Variants in C8orf89 observed in about 807,000 individuals in gnomAD.
C8orf89 encodes the protein chromosome 8 open reading frame 89, also known as putative uncharacterized protein C8orf89.
C8orf89 carries 14 observed loss-of-function variants against 15.8 expected under a neutral mutation model. That is an observed-to-expected ratio of 0.89 (90% CI 0.59 to 1.39). C8orf89 has a LOEUF of 1.39. Ranked by LOEUF, C8orf89 falls within the 40% of genes most tolerant of loss-of-function variation. The pLI, the probability that C8orf89 is intolerant of heterozygous loss-of-function variation, is 0.00. For missense variants in C8orf89, 181 were observed against 184.5 expected, an observed-to-expected ratio of 0.98 and a Z score of 0.11; for synonymous variants, 55 against 62.2, an observed-to-expected ratio of 0.88 and a Z score of 0.54.
At chr8:73,247,813 T>A (rs1813159901) in intron 3 of C8orf89, among the ~76,000 whole-genome samples, 1 of 152,210 alleles carries the variant, frequency 6.6e-6, no homozygotes, top group Non-Finnish European at 1.5e-5. Context: ...GTAAATTGTT[T>A]AAATTCCTTA....
chr8:73,255,690 CAA>C (rs1813360177), intron 2 of C8orf89, among the ~76,000 whole-genome samples: 1 of 149,882 alleles, frequency 6.7e-6, no homozygotes. Context: ...TTCACAATAG[CAA>C]AGACTTGGAA....
At chr8:73,252,649 A>T (rs1813274036) in intron 2 of C8orf89, among the ~76,000 whole-genome samples, 1 of 152,188 alleles carries the variant, frequency 6.6e-6, no homozygotes, top group Non-Finnish European at 1.5e-5. Flanking sequence ...AGAGTACTTA[A>T]AAAGAACAAT....
chr8:73,258,924 C>T (rs1324958938), intron 1 of C8orf89, among the ~76,000 whole-genome samples: 2 of 152,074 alleles, frequency 1.3e-5, no homozygotes, highest in African/African-American at 4.8e-5. Context: ...GCCACTGTGC[C>T]TGGCTTTGGT....
Position 73,241,350 on chromosome 8 carries a change from A to T in C8orf89, c.*107T>A. 1 of 812,976 alleles carries T rather than the reference A, an allele frequency of 1.2e-6. No homozygotes were observed. Among genetic ancestry groups the T allele is most frequent in the Non-Finnish European group, 1.7e-6 (1 of 593,760 alleles). The allele number at this position is 812,976 out of a possible 1,614,324, so 50.4% of individuals were successfully genotyped here. A position where few individuals can be genotyped will look rare whatever the true frequency, so the allele number is the denominator to read the frequency against. On this transcript the variant is annotated 3_prime_UTR_variant, in exon 4 of 4. Coordinates refer to ENST00000624510, the MANE Select transcript of C8orf89 (RefSeq NM_001243237.3). ...CATCTATAATGTAAAATATTTATTT[A>T]TTTACATTTCCATTTTTATATAAAT...
At chr8:73,277,403 C>T in the C8orf89 span, 270 of 1,181,354 alleles carry the variant, frequency 2.3e-4, 1 homozygote, top group African/African-American at 3.8e-3. Flanking sequence ...ATCATCTTAG[C>T]AGCCTCCAGA....
At chr8:73,260,138 C>G (rs1190614952), upstream of C8orf89, among the ~76,000 whole-genome samples, 1 of 152,164 alleles carries the variant, frequency 6.6e-6, no homozygotes, top group Non-Finnish European at 1.5e-5. Context: ...TACTGAGTGT[C>G]AATTTTATGC....
intron 1 of C8orf89, among the ~76,000 whole-genome samples, chr8:73,257,790 A>G (rs1359358233): frequency 6.6e-6 from 1 of 152,258 alleles, no homozygotes; most frequent in Non-Finnish European, 1.5e-5. Flanking sequence ...AACTAAACAT[A>G]GAGAATTTTT....
chr8:73,285,051 A>G, the C8orf89 span, among the ~76,000 whole-genome samples: 3 of 152,340 alleles, frequency 2.0e-5, no homozygotes, highest in South Asian at 4.1e-4. Context: ...CACACAAATT[A>G]TAGGTAAATC....
chr8:73,242,095 A>G (rs1212762039), intron 3 of C8orf89, among the ~76,000 whole-genome samples: 1 of 152,200 alleles, frequency 6.6e-6, no homozygotes, highest in Non-Finnish European at 1.5e-5. Context: ...AGATTTCCTG[A>G]GTAATACCCC....
rs953665440 is a variant in C8orf89, at chr8:73,256,967, A to T, written c.281+6T>A. The T allele has an allele frequency of 1.3e-6, 2 of 1,530,396 alleles. No homozygotes were observed. The highest frequency in any genetic ancestry group is 1.2e-5 in the South Asian group (1 of 82,630). 94.8% of individuals were successfully genotyped at this position (1,530,396 alleles called of 1,614,324 possible). A position where few individuals can be genotyped will look rare whatever the true frequency, so the allele number is the denominator to read the frequency against. On this transcript the variant is annotated splice_donor_region_variant and intron_variant, in intron 2 of 3. Coordinates refer to ENST00000624510, the MANE Select transcript of C8orf89 (RefSeq NM_001243237.3). ...AACAAATGAGAATTAAATAGCAATG[A>T]TCTACCTGACTGCAGACACCTCGGC... is the stretch of plus-strand genomic sequence containing the variant.
chr8:73,259,735 G>C (rs1335118898), upstream of C8orf89, among the ~76,000 whole-genome samples: 3 of 150,694 alleles, frequency 2.0e-5, no homozygotes, highest in Non-Finnish European at 4.4e-5. Context: ...ATGCATTTGT[G>C]CCTAAAAAAA....
At chr8:73,265,412 G>A in the C8orf89 span, among the ~76,000 whole-genome samples, 30 of 152,246 alleles carry the variant, frequency 2.0e-4, no homozygotes, top group East Asian at 5.4e-3. Context: ...CTTAGAGTTG[G>A]GTTAAAAGCA....
At chr8:73,255,675 C>G (rs1413703683) in intron 2 of C8orf89, among the ~76,000 whole-genome samples, 1 of 149,674 alleles carries the variant, frequency 6.7e-6, no homozygotes, top group East Asian at 2.0e-4. Flanking sequence ...TTTATTGCGG[C>G]ACTATTCACA....
chr8:73,259,508 C>T lies in C8orf89; in HGVS notation c.-50G>A. 1.5e-6 allele frequency: 2 copies of T among 1,373,430 alleles called. No homozygotes were observed. The highest frequency in any genetic ancestry group is 1.9e-6 in the Non-Finnish European group (2 of 1,056,314). The allele number at this position is 1,373,430 out of a possible 1,614,324, so 85.1% of individuals were successfully genotyped here. On this transcript the variant is annotated 5_prime_UTR_variant, in exon 1 of 4. Transcript: ENST00000624510. ...TGAGAGGGAGATGCTGCTGCAGAGA[C>T]AGGACACAAAATACAAAAAAAACAA...
the C8orf89 span, among the ~76,000 whole-genome samples, chr8:73,283,670 T>G: frequency 1.8e-4 from 27 of 152,208 alleles, no homozygotes; most frequent in African/African-American, 6.5e-4. Flanking sequence ...CTATCAAAAT[T>G]TTTTAATGTG....
chr8:73,282,202 C>T, the C8orf89 span, among the ~76,000 whole-genome samples: 1 of 152,118 alleles, frequency 6.6e-6, no homozygotes. Context: ...GCACAAAAAA[C>T]ACACAAAAAT....
upstream of C8orf89, among the ~76,000 whole-genome samples, chr8:73,260,353 C>T (rs1407202274): frequency 6.7e-6 from 1 of 149,664 alleles, no homozygotes; most frequent in African/African-American, 2.5e-5. Context: ...CACTTGGACA[C>T]AGGAAGGGGA....
chr8:73,253,100 G>A (rs969008068), intron 2 of C8orf89, among the ~76,000 whole-genome samples: 1 of 152,206 alleles, frequency 6.6e-6, no homozygotes, highest in Admixed American at 6.5e-5. Flanking sequence ...CCAAGATCGC[G>A]CCACTGCACT....
chr8:73,276,321 C>T, the C8orf89 span, among the ~76,000 whole-genome samples: 3 of 151,568 alleles, frequency 2.0e-5, no homozygotes, highest in Non-Finnish European at 4.4e-5. Context: ...GGATCACAGG[C>T]GCATGCCACC....
Sources: allele counts gnomAD v4.1 joint callset (sites outside exome capture counted in the v4.1 genomes callset), GRCh38; gene constraint gnomAD v4.1.1; transcripts MANE v1.5; gene names NCBI Gene and HGNC (gene_info 2026-07-23, HGNC 2026-07-21).